Variants in ITGA3 observed in about 807,000 individuals in gnomAD.
The protein encoded by ITGA3 is integrin subunit alpha 3, also known as integrin alpha-3.
In ITGA3, 70 loss-of-function variants were observed where a neutral mutation model predicts 131.1. That is an observed-to-expected ratio of 0.53 (90% CI 0.44 to 0.65). The LOEUF (loss-of-function observed/expected upper bound fraction) is 0.65. Among genes scored for constraint, ITGA3 ranks in the 30% least tolerant of loss-of-function variants. The pLI, the probability that ITGA3 is intolerant of heterozygous loss-of-function variation, is 0.00. For synonymous variants in ITGA3, 537 were observed against 571.6 expected (o/e 0.94, Z 0.86); for missense variants, 1,098 against 1,388.6 (o/e 0.79, Z 3.33).
At chr17:50,060,565 A>G (rs1427331574) in intron 1 of ITGA3, among the ~76,000 whole-genome samples, 1 of 152,190 alleles carries the variant, frequency 6.6e-6, no homozygotes, top group Non-Finnish European at 1.5e-5. Flanking sequence ...GCAGAGGCCA[A>G]GAGGGGCTGT....
chr17:50,062,368 T>C (rs1239761140), intron 1 of ITGA3, among the ~76,000 whole-genome samples: 1 of 152,178 alleles, frequency 6.6e-6, no homozygotes, highest in Non-Finnish European at 1.5e-5. Flanking sequence ...CCGCAGGCTG[T>C]GGGTCCCTTC....
At position 50,056,466 on chromosome 17, in the gene ITGA3, C is replaced by G. The variant is rs1907815879; in HGVS notation, c.27C>G (p.Pro9=). The stretch of plus-strand genomic sequence containing the variant: ...TGGGCCCCGGCCCCAGCCGCGCGCC[C>G]CGCGCCCCACGCCTGATGCTCTGTG... MGPGPSRA[P]RAPRLMLCAL... The change falls in exon 1 of 26, where the codon CCC becomes CCG. Residue 9 remains proline, a synonymous_variant. Transcript: ENST00000320031. This position sits in a 1 kb window ranked among gnomAD's most constrained non-coding sequence, Gnocchi z 5.6. 2 of 1,537,946 alleles carry G rather than the reference C, an allele frequency of 1.3e-6. No individual in the cohort carries two copies. Among genetic ancestry groups the G allele is most frequent in the South Asian group, 1.2e-5 (1 of 82,780 alleles).
chr17:50,073,934 C>T lies in ITGA3; in HGVS notation c.1175C>T (p.Pro392Leu), dbSNP rs760335644. Residue 392 changes from proline (P) to leucine (L), a missense_variant, in exon 8 of 26, where the codon CCG (proline) becomes CTG (leucine). Pro to Leu is a moderately conservative substitution (Grantham distance 98). Around this residue, in one of 3 missense-constraint regions of ITGA3, gnomAD observed 356 missense variants for 529.2 expected, o/e 0.67. Transcript: ENST00000320031. ...TCTGCAGATATTGCTGTGGGAGCTC[C>T]GTTTGAAGGCTTGGGCAAAGTGTAC... Reference protein sequence around the residue: ...DGFQDIAVGAPFEGLGKVYIY... With the variant: ...DGFQDIAVGALFEGLGKVYIY... 1.2e-6 allele frequency: 2 copies of T among 1,614,056 alleles called. No individual in the cohort carries two copies. Among genetic ancestry groups the T allele is most frequent in the Admixed American group, 1.7e-5 (1 of 60,024 alleles).
Position 50,072,747 on chromosome 17 carries a change from G to A in ITGA3, c.1156+565G>A, listed in dbSNP as rs1264471509. On this transcript the variant is annotated intron_variant, in intron 7 of 25. Transcript: ENST00000320031. ...GATTGCAGGGATGGAGCAAGGCCAG[G>A]GGAGTTAAGATCAAGAATGTAATAT... Among the ~76,000 whole-genome samples, 4 of 152,118 alleles carry A rather than the reference G, an allele frequency of 2.6e-5. No individual in the cohort carries two copies. In the East Asian group the frequency reaches 7.7e-4, roughly 29 times the overall value.
At chr17:50,058,082 T>A (rs1907915149) in intron 1 of ITGA3, among the ~76,000 whole-genome samples, 1 of 152,262 alleles carries the variant, frequency 6.6e-6, no homozygotes, top group Admixed American at 6.5e-5. Context: ...CTGCATGATA[T>A]AAGATAACAT....
intron 23 of ITGA3, among the ~76,000 whole-genome samples, chr17:50,081,972 C>T (rs893415200): frequency 6.6e-6 from 1 of 152,112 alleles, no homozygotes. Flanking sequence ...TCATCATCTA[C>T]GTGGCAGAAA....
intron 16 of ITGA3, 146 bp downstream of exon 16, chr17:50,077,593 G>A (rs1222179635): frequency 1.4e-5 from 9 of 660,306 alleles, no homozygotes; most frequent in Admixed American, 8.1e-5. Flanking sequence ...CTCAGTAGAG[G>A]GTGAGAAGAG....
rs141893882 is a variant in ITGA3 at position 50,081,316 on chromosome 17, A to G, written c.2827A>G (p.Arg943Gly). 15,938 of 1,584,458 alleles carry G rather than the reference A, an allele frequency of 0.01. 117 individuals are homozygous for G. Among genetic ancestry groups the G allele is most frequent in the Non-Finnish European group, 0.012 (13,958 of 1,163,110 alleles). Residue 943 changes from arginine (R) to glycine (G), a missense_variant, in exon 23 of 26, where the codon AGA (arginine) becomes GGA (glycine). Coordinates refer to ENST00000320031, the MANE Select transcript of ITGA3 (RefSeq NM_002204.4). ...CACCCCACTCCCAATCCAGGATTAC[A>G]GAGACTTTGACCGAGTCCGGGTAAA... is the stretch of plus-strand genomic sequence containing the variant. The part of the protein sequence containing the change: ...VWNSTFIEDY[R>G]DFDRVRVNGW...
rs1908855398 is a variant in ITGA3, at chr17:50,075,677, T to A, written c.1616T>A (p.Phe539Tyr). 1 of 1,614,088 alleles carries A rather than the reference T, an allele frequency of 6.2e-7. No homozygotes were observed. The highest frequency in any genetic ancestry group is 8.5e-7 in the Non-Finnish European group (1 of 1,180,036). ...LRFAGSESAV[F>Y]HGFFSMPEMR... is the part of the protein sequence containing the mutation. ...TTTGCCGGCAGTGAGTCCGCTGTCT[T>A]CCACGGCTTCTTCTCCATGCCCGAG... Residue 539 changes from phenylalanine to tyrosine, a missense_variant, in exon 12 of 26, where the codon TTC becomes TAC. Around this residue, in one of 3 missense-constraint regions of ITGA3, gnomAD observed 699 missense variants for 829.2 expected, o/e 0.84. Coordinates refer to ENST00000320031, the MANE Select transcript of ITGA3 (RefSeq NM_002204.4).
chr17:50,077,486 C>CT, intron 16 of ITGA3, 39 bp downstream of exon 16: 1 of 1,470,504 alleles, frequency 6.8e-7, no homozygotes, highest in East Asian at 2.3e-5. Context: ...TCCTGGGTCC[C>CT]TGGCTGCACC....
Position 50,090,419 on chromosome 17 carries a change from CT to C in ITGA3, c.*1342del. Reference sequence around the variant, plus strand: ...ACTGTAGCAGGGGAATTCCCTCCCCCTCCTTGTGCCTTCTTTGTATATAGGC... The same window carrying C: ...ACTGTAGCAGGGGAATTCCCTCCCCCCCTTGTGCCTTCTTTGTATATAGGC... On this transcript the variant is annotated 3_prime_UTR_variant, in exon 26 of 26. Transcript: ENST00000320031. 1 of 304,210 alleles carries C rather than the reference CT, an allele frequency of 3.3e-6. No homozygotes were observed. The highest frequency in any genetic ancestry group is 6.8e-6 in the Non-Finnish European group (1 of 146,470). 18.8% of individuals were successfully genotyped at this position (304,210 alleles called of 1,614,324 possible).
chr17:50,088,431 A>C lies in ITGA3; in HGVS notation c.*31+65A>C, dbSNP rs372987155. 23 of 807,416 alleles carry C rather than the reference A, an allele frequency of 2.8e-5. No homozygotes were observed. The East Asian group carries it at 6.0e-4, about 21-fold the overall frequency. The allele number at this position is 807,416 out of a possible 1,614,324, so 50.0% of individuals were successfully genotyped here. A position where few individuals can be genotyped will look rare whatever the true frequency, so the allele number is the denominator to read the frequency against. ...CTGGCCGGGCCTCTGACTCTGTCCT[A>C]TCTGCTCCTCTTCCCTTATGGGCCT... On this transcript the variant is annotated intron_variant, in intron 25 of 25. Coordinates refer to ENST00000320031, the MANE Select transcript of ITGA3 (RefSeq NM_002204.4).
intron 16 of ITGA3, among the ~76,000 whole-genome samples, chr17:50,077,760 G>A (rs1259737129): frequency 6.6e-6 from 1 of 152,218 alleles, no homozygotes; most frequent in Non-Finnish European, 1.5e-5. Flanking sequence ...ACAGCCTTCT[G>A]AGGAGGTAGA....
intron 15 of ITGA3, 23 bp downstream of exon 15, chr17:50,077,144 AG>A: frequency 1.3e-6 from 2 of 1,523,416 alleles, no homozygotes; most frequent in Non-Finnish European, 1.8e-6. Context: ...CGGCCGGCTC[AG>A]AGCCCAAGCA....
At position 50,064,357 on chromosome 17, in the gene ITGA3, G is replaced by A; in HGVS notation, c.334+153G>A. The A allele has an allele frequency of 8.6e-7, 1 of 1,158,322 alleles. No homozygotes were observed. The highest frequency in any genetic ancestry group is 1.2e-6 in the Non-Finnish European group (1 of 818,982). 71.8% of individuals were successfully genotyped at this position (1,158,322 alleles called of 1,614,324 possible). On this transcript the variant is annotated intron_variant, in intron 2 of 25. Transcript: ENST00000320031. This position sits in a 1 kb window ranked among gnomAD's most constrained non-coding sequence, Gnocchi z 4.4. ...AAGAGGGTGCCCTAGAGGAGAGTGGGGCTGGATGGGATTGGTAGAGCTCAG... is the reference window on the plus strand; with the variant it reads ...AAGAGGGTGCCCTAGAGGAGAGTGGAGCTGGATGGGATTGGTAGAGCTCAG...
intron 14 of ITGA3, 103 bp from the exon 15 acceptor site, chr17:50,076,871 G>A: frequency 7.2e-7 from 1 of 1,383,314 alleles, no homozygotes; most frequent in Non-Finnish European, 1.0e-6. Flanking sequence ...GCTGTCCCAA[G>A]ATGGGCTTTT....
intron 18 of ITGA3, 84 bp from the exon 19 acceptor site, chr17:50,078,740 G>A: frequency 1.3e-6 from 1 of 772,212 alleles, no homozygotes; most frequent in South Asian, 1.6e-5. Flanking sequence ...AGGGGCTATA[G>A]TTAGCCAGCT....
chr17:50,076,079 C>T (rs1029991154), intron 12 of ITGA3, among the ~76,000 whole-genome samples: 17 of 152,014 alleles, frequency 1.1e-4, no homozygotes, highest in Admixed American at 6.5e-4. Context: ...GAGAGCTCAA[C>T]CTGGAGACCC....
At chr17:50,059,292 T>A (rs1430248434) in intron 1 of ITGA3, among the ~76,000 whole-genome samples, 1 of 152,210 alleles carries the variant, frequency 6.6e-6, no homozygotes, top group Non-Finnish European at 1.5e-5. Context: ...CTCCAGCACC[T>A]GCACTGACAT....
Sources: gnomAD v4.1 joint callset for allele counts (sites outside exome capture counted in the v4.1 genomes callset) on GRCh38, gnomAD v4.1.1 for gene constraint, gnomAD v4.1.1 regional missense constraint, Gnocchi (gnomAD v3.1) non-coding constraint, MANE v1.5 for transcripts, NCBI Gene and HGNC (gene_info 2026-07-23, HGNC 2026-07-21) for gene names.